NR2F1-AS1: variants seen among roughly 807,000 people sequenced by gnomAD.
NR2F1-AS1 encodes NR2F1 regulatory antisense RNA 1.
intron 4 of NR2F1-AS1, among the ~76,000 whole-genome samples, chr5:93,428,029 T>C (rs867915743): frequency 2.0e-5 from 3 of 152,176 alleles, no homozygotes; most frequent in African/African-American, 7.2e-5. Flanking sequence ...CTTCATAAAC[T>C]ATATCAAAAT....
chr5:93,412,779 T>C (rs1748882885), intron 4 of NR2F1-AS1, among the ~76,000 whole-genome samples: 1 of 152,168 alleles, frequency 6.6e-6, no homozygotes, highest in South Asian at 2.1e-4. Flanking sequence ...CCTCCTTTCA[T>C]GATACCACCA....
At chr5:93,564,148 A>T (rs1388023830) in intron 1 of NR2F1-AS1, among the ~76,000 whole-genome samples, 1 of 132,012 alleles carries the variant, frequency 7.6e-6, no homozygotes, top group African/African-American at 3.4e-5. Context: ...AAAAAAAAAA[A>T]AACACACAAC....
At chr5:93,503,419 G>GA (rs1751123818) in intron 4 of NR2F1-AS1, among the ~76,000 whole-genome samples, 1 of 151,972 alleles carries the variant, frequency 6.6e-6, no homozygotes, top group African/African-American at 2.4e-5. Context: ...GCGTAAGAGG[G>GA]AAAAAAACAC....
At chr5:93,508,449 G>A (rs980798049) in intron 4 of NR2F1-AS1, among the ~76,000 whole-genome samples, 7 of 151,976 alleles carry the variant, frequency 4.6e-5, no homozygotes, top group East Asian at 1.9e-4. Flanking sequence ...AGACCATCTC[G>A]CAAAATAAAC....
chr5:93,582,101 T>G (rs1262642133), upstream of NR2F1-AS1, among the ~76,000 whole-genome samples: 1 of 125,334 alleles, frequency 8.0e-6, no homozygotes, highest in Non-Finnish European at 1.7e-5. Context: ...CCTCCCCCTT[T>G]TCTCTCTCCC....
At chr5:93,565,299 C>G (rs1303686481) in intron 1 of NR2F1-AS1, among the ~76,000 whole-genome samples, 1 of 152,144 alleles carries the variant, frequency 6.6e-6, no homozygotes, top group African/African-American at 2.4e-5. Flanking sequence ...GGCCTACCCC[C>G]AACTTCACAG....
At chr5:93,582,127 C>T (rs1753111882), upstream of NR2F1-AS1, among the ~76,000 whole-genome samples, 1 of 143,426 alleles carries the variant, frequency 7.0e-6, no homozygotes, top group Non-Finnish European at 1.5e-5. Context: ...GCCTCCCCCC[C>T]TCTCCATCTT....
intron 4 of NR2F1-AS1, among the ~76,000 whole-genome samples, chr5:93,508,810 T>A (rs1751238606): frequency 1.3e-5 from 2 of 152,098 alleles, no homozygotes; most frequent in South Asian, 4.1e-4. Context: ...ATCCTCACTA[T>A]TAGGGAAATG....
intron 4 of NR2F1-AS1, among the ~76,000 whole-genome samples, chr5:93,428,023 A>G (rs963262522): frequency 6.6e-6 from 1 of 152,210 alleles, no homozygotes; most frequent in African/African-American, 2.4e-5. Context: ...GGTCCACTTC[A>G]TAAACTATAT....
intron 4 of NR2F1-AS1, among the ~76,000 whole-genome samples, chr5:93,468,245 G>A (rs909755852): frequency 2.0e-5 from 3 of 152,236 alleles, no homozygotes; most frequent in South Asian, 4.1e-4. Flanking sequence ...CTTCCACAAT[G>A]GTTGAACTAA....
chr5:93,512,946 C>T (rs2344386), intron 4 of NR2F1-AS1, among the ~76,000 whole-genome samples: 21,303 of 152,184 alleles, frequency 0.14, 1,857 homozygotes, highest in Admixed American at 0.24. Flanking sequence ...ATATCCCCAT[C>T]TTTGAGCAAC....
At chr5:93,433,038 T>TA (rs1248814208) in intron 4 of NR2F1-AS1, among the ~76,000 whole-genome samples, 2 of 152,192 alleles carry the variant, frequency 1.3e-5, no homozygotes, top group Non-Finnish European at 2.9e-5. Context: ...TATTCAACTT[T>TA]TAGTAAAGTA....
intron 4 of NR2F1-AS1, among the ~76,000 whole-genome samples, chr5:93,412,849 A>G (rs545200004): frequency 6.6e-6 from 1 of 152,198 alleles, no homozygotes; most frequent in South Asian, 2.1e-4. Context: ...CTCCTGCTAA[A>G]TTAAATCTCC....
chr5:93,573,503 G>A (rs1339516261), intron 1 of NR2F1-AS1, among the ~76,000 whole-genome samples: 1 of 152,140 alleles, frequency 6.6e-6, no homozygotes, highest in Non-Finnish European at 1.5e-5. Flanking sequence ...CCTGGAAGAC[G>A]GAGGAAAAAC....
At chr5:93,474,771 T>C (rs866860036) in intron 4 of NR2F1-AS1, among the ~76,000 whole-genome samples, 7 of 152,104 alleles carry the variant, frequency 4.6e-5, no homozygotes, top group African/African-American at 1.4e-4. Flanking sequence ...AGCCAATACA[T>C]TGGAGATTAG....
chr5:93,465,570 A>C (rs1474785682), intron 4 of NR2F1-AS1, among the ~76,000 whole-genome samples: 2 of 152,224 alleles, frequency 1.3e-5, no homozygotes, highest in Non-Finnish European at 2.9e-5. Context: ...CCATCCCATT[A>C]CTGGGTATAT....
chr5:93,471,610 TAGG>T (rs1750366747), intron 4 of NR2F1-AS1, among the ~76,000 whole-genome samples: 1 of 151,888 alleles, frequency 6.6e-6, no homozygotes, highest in African/African-American at 2.4e-5. Context: ...TTCATATTTT[TAGG>T]AGTTTATAAG....
intron 4 of NR2F1-AS1, among the ~76,000 whole-genome samples, chr5:93,550,522 A>G (rs949271843): frequency 1.3e-5 from 2 of 152,230 alleles, no homozygotes; most frequent in East Asian, 1.9e-4. Flanking sequence ...AATAAGAAGA[A>G]GAGAAAATCT....
intron 4 of NR2F1-AS1, among the ~76,000 whole-genome samples, chr5:93,414,699 G>A (rs1748932161): frequency 6.6e-6 from 1 of 152,170 alleles, no homozygotes; most frequent in Admixed American, 6.5e-5. Context: ...GTGTTCTCCT[G>A]CCAGAATACC....
Sources: gnomAD v4.1 joint callset for allele counts (sites outside exome capture counted in the v4.1 genomes callset) on GRCh38, gnomAD v4.1.1 for gene constraint, MANE v1.5 for transcripts, NCBI Gene and HGNC (gene_info 2026-07-23, HGNC 2026-07-21) for gene names.